The following TMC5 variants were observed in gnomAD, a reference collection of about 807,000 sequenced individuals.
TMC5 encodes the protein transmembrane channel like 5.
Under a neutral mutation model 110.5 loss-of-function variants are expected in TMC5, and 86 were observed. The observed-to-expected ratio is 0.78, with a 90% CI of 0.65 to 0.93. TMC5 has a LOEUF of 0.93. Among genes scored for constraint, TMC5 ranks in the 40% least tolerant of loss-of-function variants. The pLI, the probability that TMC5 is intolerant of heterozygous loss-of-function variation, is 0.00. For synonymous variants in TMC5, 455 were observed against 439.5 expected (o/e 1.04, Z -0.44); for missense variants, 1,144 against 1,222.8 (o/e 0.94, Z 0.96).
chr16:19,478,643 C>T (rs1452604738), intron 13 of TMC5, among the ~76,000 whole-genome samples: 4 of 152,152 alleles, frequency 2.6e-5, no homozygotes, highest in Non-Finnish European at 5.9e-5. Context: ...TTCATGTATT[C>T]ATCCATCCAT....
intron 2 of TMC5, among the ~76,000 whole-genome samples, chr16:19,436,288 A>AGGAAAAAG (rs1967346544): frequency 6.8e-6 from 1 of 147,114 alleles, no homozygotes; most frequent in Non-Finnish European, 1.5e-5. Context: ...AAAAAAAGAA[A>AGGAAAAAG]GGAAAAAGAA....
At chr16:19,456,206 C>CA (rs1327242387) in intron 5 of TMC5, among the ~76,000 whole-genome samples, 4 of 125,002 alleles carry the variant, frequency 3.2e-5, no homozygotes, top group African/African-American at 6.8e-5. Context: ...GACTCCATCT[C>CA]AAAAAAAAAA....
chr16:19,443,931 A>G (rs1967549483), intron 3 of TMC5, 150 bp from the exon 4 acceptor site: 1 of 735,604 alleles, frequency 1.4e-6, no homozygotes. Context: ...ATGGATGGAT[A>G]CATGGATGGA....
chr16:19,451,039 C>T (rs533731776), intron 5 of TMC5, among the ~76,000 whole-genome samples: 17 of 152,030 alleles, frequency 1.1e-4, no homozygotes, highest in African/African-American at 3.9e-4. Context: ...GAGACCGAGG[C>T]GGTAGGATTG....
intron 6 of TMC5, 93 bp from the exon 7 acceptor site, chr16:19,463,187 T>C: frequency 1.0e-6 from 1 of 962,798 alleles, no homozygotes; most frequent in Non-Finnish European, 1.7e-6. Flanking sequence ...TCCGAAGTGT[T>C]GGGATTACAG....
intron 2 of TMC5, among the ~76,000 whole-genome samples, chr16:19,434,489 T>G (rs1476055663): frequency 1.3e-5 from 1 of 76,064 alleles, no homozygotes; most frequent in African/African-American, 5.8e-5. Flanking sequence ...GATAGATAGA[T>G]AGATATAGAG....
intron 14 of TMC5, among the ~76,000 whole-genome samples, chr16:19,480,002 C>T (rs755566875): frequency 9.9e-5 from 15 of 151,804 alleles, no homozygotes; most frequent in Non-Finnish European, 1.9e-4. Context: ...GAAATCTTAT[C>T]CACTGTAGAT....
intron 11 of TMC5, among the ~76,000 whole-genome samples, chr16:19,473,364 A>C (rs1489633477): frequency 6.8e-6 from 1 of 146,400 alleles, no homozygotes; most frequent in Non-Finnish European, 1.5e-5. Flanking sequence ...AAAAAAAAAA[A>C]AAAAAAAAAA....
chr16:19,436,295 A>AAAAAAAAG (rs1491247478), intron 2 of TMC5, among the ~76,000 whole-genome samples: 1 of 150,676 alleles, frequency 6.6e-6, no homozygotes, highest in African/African-American at 2.5e-5. Context: ...GAAAGGAAAA[A>AAAAAAAAG]GAAAAAGAAA....
chr16:19,417,430 A>AG (rs1228641981), upstream of TMC5, among the ~76,000 whole-genome samples: 1 of 151,500 alleles, frequency 6.6e-6, no homozygotes, highest in African/African-American at 2.4e-5. Context: ...AAAAAAAAAA[A>AG]AAAAAAAAAA....
chr16:19,420,164 C>A (rs539456507), intron 1 of TMC5, among the ~76,000 whole-genome samples: 1 of 151,996 alleles, frequency 6.6e-6, no homozygotes, highest in African/African-American at 2.4e-5. Context: ...TGGTGGGTCA[C>A]GTCTGTAATC....
At position 19,466,084 on chromosome 16, in the gene TMC5, T is replaced by C; in HGVS notation, c.1488T>C (p.Gly496=). The C allele has an allele frequency of 6.2e-7, 1 of 1,613,830 alleles. No individual in the cohort carries two copies. Among genetic ancestry groups the C allele is most frequent in the Non-Finnish European group, 8.5e-7 (1 of 1,179,876 alleles). ...FTGLEFFTGV[G]YFRDTVMYYG... ...CTATGGTTTATTGTACCTTTCAGGG[T>C]TATTTTAGGGACACAGTGATGTACT... is the stretch of plus-strand genomic sequence containing the variant. The change falls in exon 9 of 22, where the codon GGT becomes GGC. Residue 496 remains glycine, a splice_region_variant and synonymous_variant. Coordinates refer to ENST00000542583, the MANE Select transcript of TMC5 (RefSeq NM_001261841.2).
At chr16:19,424,124 C>T (rs764839430) in intron 1 of TMC5, among the ~76,000 whole-genome samples, 2 of 152,140 alleles carry the variant, frequency 1.3e-5, no homozygotes, top group Non-Finnish European at 2.9e-5. Context: ...AAGGGCTCAG[C>T]GCCACAAGAC....
intron 15 of TMC5, among the ~76,000 whole-genome samples, chr16:19,485,094 A>AT (rs1968706495): frequency 1.4e-5 from 2 of 143,180 alleles, no homozygotes; most frequent in South Asian, 2.2e-4. Flanking sequence ...TATCTACTTA[A>AT]TTTTTTTTAT....
intron 1 of TMC5, among the ~76,000 whole-genome samples, chr16:19,419,438 T>C (rs1371179220): frequency 9.2e-6 from 1 of 109,238 alleles, no homozygotes; most frequent in Admixed American, 1.4e-4. Flanking sequence ...TTTGAGACAG[T>C]GTCTTGCTCT....
At chr16:19,459,865 CTGTG>C (rs983371575) in intron 5 of TMC5, among the ~76,000 whole-genome samples, 12 of 134,480 alleles carry the variant, frequency 8.9e-5, no homozygotes, top group African/African-American at 2.5e-4. Context: ...TTGCAGTGGG[CTGTG>C]ATTGTGCCAC....
chr16:19,492,119 G>A (rs1968922561), intron 18 of TMC5, 31 bp from the exon 19 acceptor site: 1 of 1,547,180 alleles, frequency 6.5e-7, no homozygotes, highest in South Asian at 1.1e-5. Context: ...ACATTTGCAA[G>A]AGTGTCATTC....
At chr16:19,431,639 C>T (rs993466146) in intron 2 of TMC5, among the ~76,000 whole-genome samples, 1 of 151,886 alleles carries the variant, frequency 6.6e-6, no homozygotes, top group Non-Finnish European at 1.5e-5. Context: ...ACTTCCTGCT[C>T]TTGGTGCTGG....
intron 1 of TMC5, among the ~76,000 whole-genome samples, chr16:19,418,727 G>GTTTTTTT (rs57232416): frequency 8.4e-6 from 1 of 119,116 alleles, no homozygotes; most frequent in South Asian, 2.9e-4. Flanking sequence ...TGATTTTTGT[G>GTTTTTTT]TTTTTTTTTT....
Sources: allele counts gnomAD v4.1 joint callset (sites outside exome capture counted in the v4.1 genomes callset), GRCh38; gene constraint gnomAD v4.1.1; transcripts MANE v1.5; gene names NCBI Gene and HGNC (gene_info 2026-07-23, HGNC 2026-07-21).